Variants in RHBDF2 observed in about 807,000 individuals in gnomAD.
The protein encoded by RHBDF2 is inactive rhomboid protein 2.
Under a neutral mutation model 95.2 loss-of-function variants are expected in RHBDF2, and 38 were observed. That is an observed-to-expected ratio of 0.40 (90% confidence interval 0.31 to 0.52). The LOEUF (loss-of-function observed/expected upper bound fraction) is 0.52. Among genes scored for constraint, RHBDF2 ranks in the 20% least tolerant of loss-of-function variants. The pLI, the probability that RHBDF2 is intolerant of heterozygous loss-of-function variation, is 0.56. For missense variants in RHBDF2, 863 were observed against 1,137.7 expected, an observed-to-expected ratio of 0.76 and a Z score of 3.47; for synonymous variants, 442 against 462.0, an observed-to-expected ratio of 0.96 and a Z score of 0.55.
chr17:76,482,441 T>G (rs2073999699), intron 2 of RHBDF2, among the ~76,000 whole-genome samples: 1 of 151,938 alleles, frequency 6.6e-6, no homozygotes, highest in Non-Finnish European at 1.5e-5. Context: ...GGATTACAGG[T>G]GCAAGCTCAC....
chr17:76,497,446 C>T (rs1046714130), intron 1 of RHBDF2, among the ~76,000 whole-genome samples: 20 of 152,238 alleles, frequency 1.3e-4, no homozygotes, highest in African/African-American at 4.6e-4. Flanking sequence ...ACCCCAGACA[C>T]AGCCACTCCT....
At chr17:76,474,265 G>A (rs1289456198) in intron 12 of RHBDF2, 108 bp downstream of exon 12, 2 of 1,391,920 alleles carry the variant, frequency 1.4e-6, no homozygotes, top group East Asian at 2.3e-5. Flanking sequence ...GTCTGGGAAA[G>A]GTGGGGCGGG....
In RHBDF2 at chr17:76,471,974, T is replaced by C. The variant is rs373717168; in HGVS notation, c.2143A>G (p.Arg715Gly). Residue 715 changes from arginine to glycine, a missense_variant, in exon 19 of 19, where the codon AGG (arginine) becomes GGG (glycine). By Grantham distance (125) the Arg-to-Gly change is moderately radical. Transcript: ENST00000675367. ...ELFQSWPLLE[R>G]PWKAFLNLSA... ...AGGTTGAGGAAGGCCTTCCAGGGCCTCTCCAGCAGCGGCCAGCTCTGGAAG... is the reference window on the plus strand; with the variant it reads ...AGGTTGAGGAAGGCCTTCCAGGGCCCCTCCAGCAGCGGCCAGCTCTGGAAG... The C allele has an allele frequency of 3.8e-6, 6 of 1,573,902 alleles. No homozygotes were observed. The African/African-American group carries it at 5.4e-5, about 14-fold the overall frequency.
chr17:76,480,006 AATGTGTGTGTGTGTG>A, intron 3 of RHBDF2, 152 bp from the exon 4 acceptor site: 2 of 598,200 alleles, frequency 3.3e-6, no homozygotes, highest in Non-Finnish European at 5.0e-6. Flanking sequence ...ATATATATAT[AATGTGTGTGTGTGTG>A]TGTGTGTGTG....
At chr17:76,492,911 C>T (rs1015932352) in intron 1 of RHBDF2, among the ~76,000 whole-genome samples, 19 of 152,174 alleles carry the variant, frequency 1.2e-4, no homozygotes, top group African/African-American at 4.6e-4. Flanking sequence ...CCCCTCCAGA[C>T]AGGAAAGAGG....
chr17:76,490,601 G>A (rs1461322147), intron 1 of RHBDF2, among the ~76,000 whole-genome samples: 12 of 152,096 alleles, frequency 7.9e-5, no homozygotes, highest in Non-Finnish European at 1.6e-4. Context: ...TGGGTGCAAG[G>A]GTGGGGCCTC....
At chr17:76,492,084 C>T (rs1005868680) in intron 1 of RHBDF2, among the ~76,000 whole-genome samples, 8 of 152,234 alleles carry the variant, frequency 5.3e-5, no homozygotes, top group Non-Finnish European at 1.0e-4. Flanking sequence ...CTCACTGTGG[C>T]CAACCCCAGA....
Position 76,481,421 on chromosome 17 carries a change from TCG to T in RHBDF2, c.102_103del (p.Lys36ArgfsTer14). 1.2e-6 allele frequency: 2 copies of T among 1,612,730 alleles called. No homozygotes were observed. Among genetic ancestry groups the T allele is most frequent in the Non-Finnish European group, 1.7e-6 (2 of 1,179,954 alleles). On this transcript the variant is annotated frameshift_variant, in exon 3 of 19. Transcript: ENST00000675367. LOFTEE classifies it high-confidence loss of function. ...CTCGCCAGGGGCCTGGGTCTCTTTC[TCG>T]GGTGGCGGGATGGTGATGGAGAGGT...
rs1371583056 is a variant in RHBDF2 at position 76,479,294 on chromosome 17, G to A, written c.273-17C>T. 3.2e-6 allele frequency: 5 copies of A among 1,582,400 alleles called. No individual in the cohort carries two copies. In the African/African-American group the frequency reaches 6.7e-5, roughly 21 times the overall value. On this transcript the variant is annotated splice_polypyrimidine_tract_variant and intron_variant, in intron 4 of 18. Transcript: ENST00000675367. ...GCTGCGCCCCTGCGGAAGCAGACAAGGGACAGGTGGGCATACGCTTGTCTA... is the reference window on the plus strand; with the variant it reads ...GCTGCGCCCCTGCGGAAGCAGACAAAGGACAGGTGGGCATACGCTTGTCTA...
intron 1 of RHBDF2, among the ~76,000 whole-genome samples, chr17:76,497,344 C>A (rs576783901): frequency 6.6e-6 from 1 of 152,262 alleles, no homozygotes; most frequent in East Asian, 1.9e-4. Context: ...CACTGGCAGG[C>A]CAGGAAAACC....
intron 1 of RHBDF2, among the ~76,000 whole-genome samples, chr17:76,499,439 TC>T: frequency 6.6e-6 from 1 of 152,212 alleles, no homozygotes; most frequent in African/African-American, 2.4e-5. Flanking sequence ...CAACTCTGAG[TC>T]ATCCCTACTG....
intron 15 of RHBDF2, 77 bp downstream of exon 15, chr17:76,473,571 G>A: frequency 8.0e-7 from 1 of 1,254,922 alleles, no homozygotes; most frequent in East Asian, 2.5e-5. Flanking sequence ...GGTGACGGTG[G>A]AGGAGCAGAG....
Position 76,476,873 on chromosome 17 carries a change from T to G in RHBDF2, c.1072A>C (p.Ser358Arg). The change falls in exon 9 of 19, where the codon AGC becomes CGC. Residue 358 changes from serine to arginine, a missense_variant. By Grantham distance (110) the Ser-to-Arg change is moderately radical. Around this residue, in one of 2 missense-constraint regions of RHBDF2, gnomAD observed 611 missense variants for 725.5 expected, o/e 0.84. Transcript: ENST00000675367. ...TCCAGCTGCCGCTGCACAGTGCTGC[T>G]GATGCTGCGGCGGTAGCTGCGGTTC... Reference protein sequence around the residue: ...WLNRSYRRSISSTVQRQLESF... With the variant: ...WLNRSYRRSIRSTVQRQLESF... 6.2e-7 allele frequency: 1 copy of G among 1,612,674 alleles called. No homozygotes were observed. Among genetic ancestry groups the G allele is most frequent in the Non-Finnish European group, 8.5e-7 (1 of 1,179,672 alleles).
At chr17:76,480,905 A>G (rs1308639812) in intron 3 of RHBDF2, among the ~76,000 whole-genome samples, 1 of 152,194 alleles carries the variant, frequency 6.6e-6, no homozygotes, top group Non-Finnish European at 1.5e-5. Flanking sequence ...CCGGTTTTCA[A>G]TGAGCTCTTT....
chr17:76,479,037 G>A (rs747752737), intron 5 of RHBDF2, 28 bp from the exon 6 acceptor site: 11 of 1,610,676 alleles, frequency 6.8e-6, no homozygotes, highest in Admixed American at 1.7e-5. Flanking sequence ...GGTAAGCAGA[G>A]CCATTAGGGT....
chr17:76,489,010 C>G (rs1381727964), intron 1 of RHBDF2, among the ~76,000 whole-genome samples: 1 of 151,844 alleles, frequency 6.6e-6, no homozygotes, highest in Non-Finnish European at 1.5e-5. Context: ...CCTGTAATCC[C>G]AGCTACTCGG....
chr17:76,473,949 G>A (rs915312259), intron 13 of RHBDF2, 47 bp from the exon 14 acceptor site: 20 of 1,605,454 alleles, frequency 1.2e-5, no homozygotes, highest in East Asian at 4.5e-5. Context: ...AGCGTGCCAC[G>A]TCCACCTACC....
chr17:76,473,212 G>C (rs751106165), intron 16 of RHBDF2, 40 bp downstream of exon 16: 17 of 1,599,650 alleles, frequency 1.1e-5, no homozygotes, highest in South Asian at 4.4e-5. Flanking sequence ...GCCATGCCCA[G>C]CGTCCTCTCC....
In RHBDF2 at chr17:76,475,019, A is replaced by G. The variant is rs763218059; in HGVS notation, c.1227+11T>C. On this transcript the variant is annotated intron_variant, in intron 10 of 18. Coordinates refer to ENST00000675367, the MANE Select transcript of RHBDF2 (RefSeq NM_001005498.4). ...GCTGGGACCCCCAGCATGGAGCCTG[A>G]CCCGACTCACCAGCTGGGTGGTGAC... 6.4e-6 allele frequency: 10 copies of G among 1,566,718 alleles called. No homozygotes were observed. Among genetic ancestry groups the G allele is most frequent in the African/African-American group, 1.3e-5 (1 of 74,168 alleles).
Sources: gnomAD v4.1 joint callset for allele counts (sites outside exome capture counted in the v4.1 genomes callset) on GRCh38, gnomAD v4.1.1 for gene constraint, gnomAD v4.1.1 regional missense constraint, MANE v1.5 for transcripts, NCBI Gene and HGNC (gene_info 2026-07-23, HGNC 2026-07-21) for gene names.